The following ATR variants were observed in gnomAD, a reference collection of about 807,000 sequenced individuals.
ATR encodes the protein ATR checkpoint kinase, also known as serine/threonine-protein kinase ATR.
In ATR, 142 loss-of-function variants were observed where a neutral mutation model predicts 305.3. The observed-to-expected ratio is 0.47, with a 90% confidence interval of 0.41 to 0.53. ATR has a LOEUF of 0.53. Ranked by LOEUF, ATR falls within the 20% of genes least tolerant of loss-of-function variation. ATR has a pLI of 0.00. For missense variants in ATR, 2,135 were observed against 3,133.1 expected, an observed-to-expected ratio of 0.68 and a Z score of 7.60; for synonymous variants, 1,050 against 1,068.1, an observed-to-expected ratio of 0.98 and a Z score of 0.33.
At chr3:142,566,079 A>G (rs2108493596) in intron 3 of ATR, 42 bp downstream of exon 3, 1 of 1,612,838 alleles carries the variant, frequency 6.2e-7, no homozygotes, top group Non-Finnish European at 8.5e-7. Flanking sequence ...GGAGGATTTT[A>G]TAGAACAGAT....
chr3:142,492,392 A>G (rs886811215), intron 35 of ATR, among the ~76,000 whole-genome samples: 1 of 152,224 alleles, frequency 6.6e-6, no homozygotes, highest in Non-Finnish European at 1.5e-5. Context: ...TTGGCCTCAT[A>G]GAATTCTGAA....
At chr3:142,500,828 C>A (rs1367618341) in intron 30 of ATR, among the ~76,000 whole-genome samples, 1 of 151,892 alleles carries the variant, frequency 6.6e-6, no homozygotes, top group East Asian at 1.9e-4. Context: ...CATCAGACAC[C>A]AAAATATAAA....
At chr3:142,522,639 AC>A (rs2033196091) in intron 23 of ATR, 88 bp downstream of exon 23, 1 of 1,135,946 alleles carries the variant, frequency 8.8e-7, no homozygotes, top group African/African-American at 1.5e-5. Flanking sequence ...GAGAATTAAA[AC>A]AAAAAGGAGT....
At chr3:142,568,528 G>A (rs1048045500) in intron 1 of ATR, among the ~76,000 whole-genome samples, 3 of 152,198 alleles carry the variant, frequency 2.0e-5, no homozygotes, top group Non-Finnish European at 4.4e-5. Flanking sequence ...TCTCTCCAGG[G>A]CGCTAGTGGG....
intron 6 of ATR, among the ~76,000 whole-genome samples, chr3:142,559,882 C>T (rs948051062): frequency 6.6e-6 from 1 of 152,140 alleles, no homozygotes; most frequent in African/African-American, 2.4e-5. Flanking sequence ...GGAGACAAAG[C>T]GAGACCCTGT....
chr3:142,474,158 C>G (rs577130845), intron 36 of ATR, among the ~76,000 whole-genome samples: 2 of 151,708 alleles, frequency 1.3e-5, no homozygotes, highest in South Asian at 4.2e-4. Flanking sequence ...AACTCCTGAC[C>G]TCAAGTGATC....
Position 142,547,863 on chromosome 3 carries a change from T to A in ATR, c.3219A>T (p.Gln1073His), listed in dbSNP as rs2108451635. Residue 1073 changes from glutamine to histidine, a missense_variant, in exon 16 of 47, where the codon CAA (glutamine) becomes CAT (histidine). By Grantham distance (24) the Gln-to-His change is conservative. Around this residue, in one of 9 missense-constraint regions of ATR, gnomAD observed 530 missense variants for 766.8 expected, o/e 0.69. Transcript: ENST00000350721. The stretch of plus-strand genomic sequence containing the variant: ...GCAGCAATAATTCATTATGCAATCC[T>A]TGGAAATCTTGTCTCAACAGGCTCC... ...ELGSLLRQDF[Q>H]GLHNELLLRI... The A allele has an allele frequency of 1.2e-6, 2 of 1,613,998 alleles. No homozygotes were observed. Among genetic ancestry groups the A allele is most frequent in the Non-Finnish European group, 1.7e-6 (2 of 1,179,942 alleles).
intron 1 of ATR, 65 bp from the exon 2 acceptor site, chr3:142,568,219 C>A (rs2108497828): frequency 1.5e-6 from 2 of 1,305,228 alleles, no homozygotes; most frequent in South Asian, 1.2e-5. Context: ...AAAAAAATTT[C>A]TCTAAAGTAG....
chr3:142,471,932 T>A (rs1577517246), intron 36 of ATR: 1 of 152,208 alleles, frequency 6.6e-6, no homozygotes, highest in Non-Finnish European at 1.5e-5. Flanking sequence ...TCTAGTTCTA[T>A]GAGTTCAACA....
intron 27 of ATR, among the ~76,000 whole-genome samples, chr3:142,509,552 T>G (rs2032438556): frequency 7.7e-6 from 1 of 130,376 alleles, no homozygotes; most frequent in Non-Finnish European, 1.6e-5. Flanking sequence ...CTGATTTTTT[T>G]TTTTTTTTTT....
chr3:142,502,123 G>T (rs2031999694), intron 30 of ATR, among the ~76,000 whole-genome samples: 1 of 152,210 alleles, frequency 6.6e-6, no homozygotes, highest in African/African-American at 2.4e-5. Context: ...TACACTGTTG[G>T]TGGGAATATA....
intron 27 of ATR, among the ~76,000 whole-genome samples, chr3:142,509,545 A>ATTTT (rs71629538): frequency 1.2e-4 from 9 of 73,816 alleles, no homozygotes; most frequent in African/African-American, 3.8e-4. Context: ...TCAAATTCTG[A>ATTTT]TTTTTTTTTT....
chr3:142,543,959 C>T (rs1359156468), intron 16 of ATR, among the ~76,000 whole-genome samples: 1 of 152,150 alleles, frequency 6.6e-6, no homozygotes, highest in African/African-American at 2.4e-5. Flanking sequence ...GTGTAAGCCA[C>T]TGTGCTCGGC....
At chr3:142,546,386 TA>T (rs1165667114) in intron 16 of ATR, among the ~76,000 whole-genome samples, 4 of 152,310 alleles carry the variant, frequency 2.6e-5, no homozygotes, top group African/African-American at 9.6e-5. Flanking sequence ...GCCATGTCAC[TA>T]AAAGTAGCCC....
At position 142,521,419 on chromosome 3, in the gene ATR, T is replaced by C. The variant is rs200952177; in HGVS notation, c.4266+1309A>G. 1.1e-4 allele frequency among the ~76,000 whole-genome samples: 17 copies of C among 152,340 alleles called. 1 individual carries two copies. The East Asian group carries it at 2.1e-3, about 19-fold the overall frequency. On this transcript the variant is annotated intron_variant, in intron 23 of 46. Coordinates refer to ENST00000350721, the MANE Select transcript of ATR (RefSeq NM_001184.4). The stretch of plus-strand genomic sequence containing the variant: ...CAGCCCGTGTATCAAGGGGTAATTT[T>C]GACTTTCAAGTTTTATTACTTAAGA...
chr3:142,459,930 A>G (rs953904634), intron 42 of ATR, among the ~76,000 whole-genome samples: 3 of 152,140 alleles, frequency 2.0e-5, no homozygotes, highest in Non-Finnish European at 4.4e-5. Flanking sequence ...GAATGAACTT[A>G]TTTTGCATAT....
chr3:142,528,880 T>TATATATATATATATATA (rs1491576068), intron 21 of ATR, among the ~76,000 whole-genome samples: 8 of 38,584 alleles, frequency 2.1e-4, no homozygotes, highest in African/African-American at 1.1e-3. Context: ...TATATATATA[T>TATATATATATATATATA]TTTTTTTTTT....
At chr3:142,460,056 A>G (rs560545376) in intron 42 of ATR, among the ~76,000 whole-genome samples, 1 of 152,238 alleles carries the variant, frequency 6.6e-6, no homozygotes, top group East Asian at 1.9e-4. Context: ...TGTCATGCTC[A>G]TAAATAAAAT....
intron 45 of ATR, among the ~76,000 whole-genome samples, chr3:142,455,400 TC>T (rs374860600): frequency 6.6e-6 from 1 of 152,048 alleles, no homozygotes; most frequent in African/African-American, 2.4e-5. Context: ...CCTATCAAAA[TC>T]CAAGCTGATT....
Sources: allele counts gnomAD v4.1 joint callset (sites outside exome capture counted in the v4.1 genomes callset), GRCh38; gene constraint gnomAD v4.1.1; regional missense constraint gnomAD v4.1.1; transcripts MANE v1.5; gene names NCBI Gene and HGNC (gene_info 2026-07-23, HGNC 2026-07-21).